AOPEP: variants seen among roughly 807,000 people sequenced by gnomAD.
The protein encoded by AOPEP is aminopeptidase O.
In AOPEP, 77 loss-of-function variants were observed where a neutral mutation model predicts 98.1. The ratio of observed to expected loss-of-function variants is 0.78; its 90% CI spans 0.65 to 0.95. AOPEP has a LOEUF of 0.95. AOPEP is among the 40% of genes least tolerant of loss of function. The pLI, the probability that AOPEP is intolerant of heterozygous loss-of-function variation, is 0.00. For missense variants in AOPEP, 1,024 were observed against 1,024.7 expected, an observed-to-expected ratio of 1.00 and a Z score of 0.01; for synonymous variants, 346 against 365.3, an observed-to-expected ratio of 0.95 and a Z score of 0.60.
chr9:94,871,507 G>C (rs894644600), intron 5 of AOPEP, among the ~76,000 whole-genome samples: 1 of 152,222 alleles, frequency 6.6e-6, no homozygotes, highest in African/African-American at 2.4e-5. Context: ...GAGATTGTCT[G>C]ATTGAAGAAA....
rs1422010629 is a variant in AOPEP, at chr9:94,854,728, A to T, written c.1364+53726A>T. Among the ~76,000 whole-genome samples the T allele has an allele frequency of 3.3e-5, 5 of 152,350 alleles. No individual in the cohort carries two copies. In the East Asian group the frequency reaches 9.6e-4, roughly 29 times the overall value. On this transcript the variant is annotated intron_variant, in intron 5 of 16. Transcript: ENST00000375315. ...TCTTCCCCGATGGAACATTTAACCC[A>T]GCCTTCTAGCTCTTGAATTTAATAT...
chr9:94,943,227 T>G (rs2057215353), intron 7 of AOPEP, among the ~76,000 whole-genome samples: 1 of 152,210 alleles, frequency 6.6e-6, no homozygotes, highest in South Asian at 2.1e-4. Context: ...ATATATCTGT[T>G]AAGGGACTTG....
intron 5 of AOPEP, among the ~76,000 whole-genome samples, chr9:94,882,108 C>T (rs189890979): frequency 1.3e-3 from 203 of 152,272 alleles, no homozygotes; most frequent in Non-Finnish European, 2.1e-3. Context: ...GTGGTTATGG[C>T]GGGAAGGCCT....
chr9:94,817,182 T>C (rs1851887578), intron 5 of AOPEP, among the ~76,000 whole-genome samples: 1 of 152,042 alleles, frequency 6.6e-6, no homozygotes, highest in African/African-American at 2.4e-5. Flanking sequence ...TCTGTGTGTT[T>C]TTTGTAGAGA....
At chr9:94,869,070 A>G (rs2046026658) in intron 5 of AOPEP, among the ~76,000 whole-genome samples, 1 of 151,974 alleles carries the variant, frequency 6.6e-6, no homozygotes, top group Non-Finnish European at 1.5e-5. Context: ...CTCTACTAAA[A>G]ATACAAAAAT....
chr9:95,127,861 C>A, the AOPEP span, among the ~76,000 whole-genome samples: 1 of 152,244 alleles, frequency 6.6e-6, no homozygotes, highest in East Asian at 1.9e-4. Context: ...GGGCTCCAGG[C>A]AGGAGCTCTG....
chr9:94,773,097 T>G lies in AOPEP; in HGVS notation c.893T>G (p.Val298Gly). The G allele has an allele frequency of 6.2e-7, 1 of 1,614,098 alleles. No homozygotes were observed. Among genetic ancestry groups the G allele is most frequent in the Non-Finnish European group, 8.5e-7 (1 of 1,180,014 alleles). Residue 298 changes from valine (V) to glycine (G), a missense_variant, in exon 3 of 17, where the codon GTT (valine) becomes GGT (glycine). Transcript: ENST00000375315. ...PVAMSTWQAT[V>G]RAAASFVVLM... ...GCCATGTCAACATGGCAGGCTACAG[T>G]TCGAGCAGCTGCATCTTTTGTTGTT...
chr9:95,099,435 G>A, the AOPEP span: 19 of 226,122 alleles, frequency 8.4e-5, no homozygotes, highest in East Asian at 1.2e-4. Flanking sequence ...CGGCCACGCC[G>A]CGTCCCCGCC....
At chr9:94,794,647 A>G (rs945064785) in intron 4 of AOPEP, among the ~76,000 whole-genome samples, 2 of 152,098 alleles carry the variant, frequency 1.3e-5, no homozygotes, top group East Asian at 1.9e-4. Context: ...CCTGAGCTAT[A>G]TGAACATCCT....
chr9:94,977,343 G>A (rs1480091523), intron 10 of AOPEP, among the ~76,000 whole-genome samples: 1 of 152,086 alleles, frequency 6.6e-6, no homozygotes. Context: ...GGCTTTCAGA[G>A]CTTGTGGAGG....
chr9:95,059,473 G>A (rs1405325681), intron 13 of AOPEP, among the ~76,000 whole-genome samples: 1 of 151,482 alleles, frequency 6.6e-6, no homozygotes, highest in East Asian at 1.9e-4. Flanking sequence ...TGCAGTGCTT[G>A]CTGTCTGCCC....
chr9:94,944,776 T>A (rs1035556259), intron 7 of AOPEP, among the ~76,000 whole-genome samples: 3 of 152,130 alleles, frequency 2.0e-5, no homozygotes, highest in African/African-American at 7.2e-5. Context: ...TTGGTTTCTT[T>A]TTAGGGTGAT....
intron 16 of AOPEP, 141 bp downstream of exon 16, chr9:95,082,860 T>C (rs2070003419): frequency 8.4e-6 from 8 of 953,350 alleles, no homozygotes; most frequent in Non-Finnish European, 1.2e-5. Context: ...GCCTGGAGAG[T>C]AACTGGCCAA....
intron 1 of AOPEP, among the ~76,000 whole-genome samples, chr9:94,734,113 C>CTTGAGCTTAT (rs1434774869): frequency 1.3e-5 from 2 of 151,932 alleles, no homozygotes; most frequent in Non-Finnish European, 2.9e-5. Flanking sequence ...TGAGTTTATA[C>CTTGAGCTTAT]TTGAGCTTAT....
intron 1 of AOPEP, among the ~76,000 whole-genome samples, chr9:94,751,854 A>G (rs1835862424): frequency 6.8e-6 from 1 of 147,182 alleles, no homozygotes; most frequent in South Asian, 2.2e-4. Flanking sequence ...TATTGATCCC[A>G]TCATTCAGAC....
intron 5 of AOPEP, among the ~76,000 whole-genome samples, chr9:94,826,477 T>A (rs866290780): frequency 2.8e-4 from 42 of 152,016 alleles, no homozygotes; most frequent in Middle Eastern, 3.4e-3. Flanking sequence ...GAGGAGGGAG[T>A]TTGCCTCTCT....
intron 10 of AOPEP, among the ~76,000 whole-genome samples, chr9:94,968,631 C>T (rs1171904991): frequency 6.6e-6 from 1 of 152,210 alleles, no homozygotes; most frequent in African/African-American, 2.4e-5. Flanking sequence ...CCCGCCTTGG[C>T]CTCCCAAAGT....
At chr9:95,125,131 C>T in the AOPEP span, 2 of 1,614,236 alleles carry the variant, frequency 1.2e-6, no homozygotes, top group Non-Finnish European at 1.7e-6. Flanking sequence ...ACTGCGTAAA[C>T]ACCTGAATAG....
At chr9:95,001,132 A>G (rs1021552454) in intron 11 of AOPEP, among the ~76,000 whole-genome samples, 2 of 152,214 alleles carry the variant, frequency 1.3e-5, no homozygotes, top group Non-Finnish European at 1.5e-5. Flanking sequence ...CACACCCGTA[A>G]CAATGTGAAG....
Sources: allele counts gnomAD v4.1 joint callset (sites outside exome capture counted in the v4.1 genomes callset), GRCh38; gene constraint gnomAD v4.1.1; transcripts MANE v1.5; gene names NCBI Gene and HGNC (gene_info 2026-07-23, HGNC 2026-07-21).